The following PROSER3 variants were observed in gnomAD, a reference collection of about 807,000 sequenced individuals.
The protein encoded by PROSER3 is proline and serine rich 3, also known as proline and serine-rich protein 3.
Under a neutral mutation model 50.2 loss-of-function variants are expected in PROSER3, and 33 were observed. That is an observed-to-expected ratio of 0.66 (90% CI 0.50 to 0.88). The LOEUF (loss-of-function observed/expected upper bound fraction) is 0.88, where lower values mean the gene tolerates loss of function less well. Ranked by LOEUF, PROSER3 falls within the 40% of genes least tolerant of loss-of-function variation. PROSER3 has a pLI of 0.00. For synonymous variants in PROSER3, 266 were observed against 259.3 expected, an observed-to-expected ratio of 1.03 and a Z score of -0.25; for missense variants, 623 against 612.7, an observed-to-expected ratio of 1.02 and a Z score of -0.18.
At chr19:35,770,122 C>G (rs1385396100), downstream of PROSER3, among the ~76,000 whole-genome samples, 2 of 152,118 alleles carry the variant, frequency 1.3e-5, no homozygotes, top group African/African-American at 4.8e-5. Flanking sequence ...CCAGGCTGGT[C>G]TCAAACTCAT....
At chr19:35,767,631 G>T in intron 8 of PROSER3, 1 of 805,482 alleles carries the variant, frequency 1.2e-6, no homozygotes, top group Non-Finnish European at 1.9e-6. Flanking sequence ...CCTCAGCTCA[G>T]GGGTGTCCTG....
exon 11 of PROSER3, chr19:35,768,577 T>C (rs1568415992): frequency 4.0e-6 from 6 of 1,514,416 alleles, no homozygotes; most frequent in South Asian, 1.2e-5. Context: ...CCAGTGAGGC[T>C]CTTTTTTTTT....
exon 1 of PROSER3, chr19:35,758,182 G>A: frequency 6.4e-7 from 1 of 1,554,546 alleles, no homozygotes; most frequent in Admixed American, 2.0e-5. Context: ...GGGTGAAGGA[G>A]CAGAGCGGCC....
intron 3 of PROSER3, among the ~76,000 whole-genome samples, chr19:35,760,538 T>G (rs918354237): frequency 5.9e-5 from 9 of 152,224 alleles, no homozygotes; most frequent in African/African-American, 2.2e-4. Context: ...CAAGTTGGAA[T>G]GCAGTGGCAT....
chr19:35,763,997 A>G (rs1186116930), intron 5 of PROSER3, among the ~76,000 whole-genome samples: 1 of 151,080 alleles, frequency 6.6e-6, no homozygotes, highest in East Asian at 2.0e-4. Flanking sequence ...TTTGTTGTCG[A>G]GGCTGGTCTC....
At chr19:35,767,698 C>A in intron 8 of PROSER3, 1 of 1,405,936 alleles carries the variant, frequency 7.1e-7, no homozygotes. Flanking sequence ...CGCCTCCTCA[C>A]TTCGAGGGCC....
intron 5 of PROSER3, among the ~76,000 whole-genome samples, chr19:35,764,080 G>T (rs927178037): frequency 1.3e-5 from 2 of 151,852 alleles, no homozygotes; most frequent in Non-Finnish European, 2.9e-5. Flanking sequence ...GAGCCACCAC[G>T]CCCGCCTCTG....
At chr19:35,765,107 G>C (rs1971097530) in exon 7 of PROSER3, 6 of 1,613,894 alleles carry the variant, frequency 3.7e-6, no homozygotes, top group East Asian at 2.2e-5. Context: ...CACCAGCTCT[G>C]ATGGCCTCTC....
chr19:35,765,333 C>T (rs1448229429), intron 7 of PROSER3, among the ~76,000 whole-genome samples, 157 bp downstream of exon 7: 1 of 152,174 alleles, frequency 6.6e-6, no homozygotes, highest in Non-Finnish European at 1.5e-5. Context: ...GAGGCCGAGG[C>T]GGGCAGATTG....
At chr19:35,758,178 A>G in exon 1 of PROSER3, 1 of 1,553,088 alleles carries the variant, frequency 6.4e-7, no homozygotes, top group Non-Finnish European at 8.7e-7. Context: ...TGTTGGGTGA[A>G]GGAGCAGAGC....
chr19:35,760,814 C>G (rs2146565679), intron 3 of PROSER3, among the ~76,000 whole-genome samples: 1 of 152,284 alleles, frequency 6.6e-6, no homozygotes, highest in South Asian at 2.1e-4. Context: ...GTACACATCC[C>G]CTAGGGCTGT....
chr19:35,767,797 G>GGCCAA, intron 8 of PROSER3: 2 of 1,608,804 alleles, frequency 1.2e-6, no homozygotes, highest in Non-Finnish European at 1.7e-6. Context: ...CCCAGTGTCG[G>GGCCAA]GCCAAGGCCG....
chr19:35,768,425 G>T, exon 11 of PROSER3: 3 of 1,597,232 alleles, frequency 1.9e-6, no homozygotes, highest in South Asian at 1.1e-5. Flanking sequence ...CCCGATTATC[G>T]TTCCTGTTGG....
At chr19:35,759,162 T>TTGC (rs1970869062) in intron 1 of PROSER3, 1 of 536,398 alleles carries the variant, frequency 1.9e-6, no homozygotes, top group South Asian at 2.4e-5. Flanking sequence ...AGTTCCTGAG[T>TTGC]TGCTCCCTGT....
At chr19:35,765,661 G>A (rs1012250766) in intron 7 of PROSER3, among the ~76,000 whole-genome samples, 2 of 151,304 alleles carry the variant, frequency 1.3e-5, no homozygotes, top group African/African-American at 4.9e-5. Context: ...CTGAGTAGCT[G>A]GGACTACAGG....
In PROSER3 at chr19:35,759,898, C is replaced by A. The variant is rs766679177; in HGVS notation, c.218C>A (p.Ser73Ter). The change falls in exon 3 of 11, where the codon TCA (serine) becomes TAA (stop). Residue 73 changes from serine (S) to a stop codon, truncating the protein, a stop_gained. Transcript: ENST00000396908. LOFTEE classifies it high-confidence loss of function. ...TTTGAGGAGTCCTGGCCATCCAGTT[C>A]AGGGACCCCCTCCCTGCCCAGCACC... 9.4e-6 allele frequency: 15 copies of A among 1,599,556 alleles called. No homozygotes were observed. The highest frequency in any genetic ancestry group is 1.6e-4 in the Middle Eastern group (1 of 6,076).
At chr19:35,766,441 G>A (rs1971143607) in intron 7 of PROSER3, among the ~76,000 whole-genome samples, 2 of 152,132 alleles carry the variant, frequency 1.3e-5, no homozygotes, top group African/African-American at 4.8e-5. Context: ...AGCTACTCAG[G>A]AGGTTAAGGC....
exon 11 of PROSER3, chr19:35,768,537 AGAC>A: frequency 1.3e-6 from 2 of 1,593,158 alleles, no homozygotes; most frequent in Non-Finnish European, 1.7e-6. Context: ...GGAGGCCAGA[AGAC>A]TTTGAATTGT....
rs1970832657 is a variant in PROSER3 at position 35,758,228 on chromosome 19, T to TC, written c.11+2_11+3insC. 9 of 1,562,346 alleles carry TC rather than the reference T, an allele frequency of 5.8e-6. No homozygotes were observed. The highest frequency in any genetic ancestry group is 7.8e-6 in the Non-Finnish European group (9 of 1,153,356). On this transcript the variant is annotated splice_region_variant and intron_variant, in intron 1 of 10. Transcript: ENST00000396908. Reference sequence around the variant, plus strand: ...AGGGAGCCGCGGGATGGACCGCAGGTGAGGCCGATCGCTCTTCCAGGGACT... The same window carrying TC: ...AGGGAGCCGCGGGATGGACCGCAGGTCGAGGCCGATCGCTCTTCCAGGGACT...
Sources: gnomAD v4.1 joint callset for allele counts (sites outside exome capture counted in the v4.1 genomes callset) on GRCh38, gnomAD v4.1.1 for gene constraint, MANE v1.5 for transcripts, NCBI Gene and HGNC (gene_info 2026-07-23, HGNC 2026-07-21) for gene names.